SCRIB: variants seen among roughly 807,000 people sequenced by gnomAD.
SCRIB encodes the protein protein scribble homolog.
A neutral mutation model predicts 170.0 loss-of-function variants in SCRIB; 72 were observed. The observed-to-expected ratio is 0.42, with a 90% CI of 0.35 to 0.52. The LOEUF (loss-of-function observed/expected upper bound fraction) is 0.52, where lower values mean the gene tolerates loss of function less well. SCRIB is among the 20% of genes least tolerant of loss of function. The pLI is 0.02. For missense variants in SCRIB, 2,475 were observed against 2,338.5 expected (o/e 1.06, Z -1.20); for synonymous variants, 1,298 against 1,044.3 (o/e 1.24, Z -4.68).
Position 143,810,751 on chromosome 8 carries a change from C to T in SCRIB, c.1339G>A (p.Val447Ile), listed in dbSNP as rs144536391. The change falls in exon 12 of 37, where the codon GTC (valine) becomes ATC (isoleucine). Residue 447 changes from valine to isoleucine, a missense_variant. Transcript: ENST00000356994. ...ATGGGGGCCTCCAGGAACTGGATGA[C>T]GCTGACGCGGCTCGGCGGGGCATCG... is the stretch of plus-strand genomic sequence containing the variant. Reference protein sequence around the residue: ...WSDAPPSRVSVIQFLEAPIGD... With the variant: ...WSDAPPSRVSIIQFLEAPIGD... The T allele has an allele frequency of 7.9e-5, 127 of 1,608,840 alleles. No homozygotes were observed. The highest frequency in any genetic ancestry group is 6.7e-5 in the African/African-American group (5 of 74,902).
At position 143,803,520 on chromosome 8, in the gene SCRIB, G is replaced by A. The variant is rs782710491; in HGVS notation, c.3466C>T (p.Arg1156Trp). The A allele has an allele frequency of 5.6e-6, 9 of 1,601,262 alleles. No individual in the cohort carries two copies. Among genetic ancestry groups the A allele is most frequent in the South Asian group, 3.3e-5 (3 of 90,772 alleles). Residue 1156 changes from arginine (R) to tryptophan (W), a missense_variant, in exon 24 of 37, where the codon CGG becomes TGG. Physicochemically the swap from Arg to Trp is moderately radical, Grantham distance 101. Coordinates refer to ENST00000356994, the MANE Select transcript of SCRIB (RefSeq NM_182706.5). ...GRDGRLRVGL[R>W]LLEVNQQSLL... Reference sequence around the variant, plus strand: ...CTCTGCTGGTTCACCTCCAACAGCCGCAAACCCACACGCAGCCGACCGTCG... The same window carrying A: ...CTCTGCTGGTTCACCTCCAACAGCCACAAACCCACACGCAGCCGACCGTCG...
Position 143,804,678 on chromosome 8 carries a change from C to T in SCRIB, c.2899G>A (p.Ala967Thr), listed in dbSNP as rs782463802. Reference protein sequence around the residue: ...SPLPHSSPPTAAVATTSITTA... With the variant: ...SPLPHSSPPTTAVATTSITTA... Reference sequence around the variant, plus strand: ...GTTATGCTGGTGGTGGCAACAGCAGCGGTGGGGGGTGAGGAATGTGGCAGA... The same window carrying T: ...GTTATGCTGGTGGTGGCAACAGCAGTGGTGGGGGGTGAGGAATGTGGCAGA... The change falls in exon 21 of 37, where the codon GCT (alanine) becomes ACT (threonine). Residue 967 changes from alanine to threonine, a missense_variant. Around this residue, in one of 3 missense-constraint regions of SCRIB, gnomAD observed 1,966 missense variants for 1,742.9 expected, o/e 1.13. Transcript: ENST00000356994. 1.3e-5 allele frequency: 20 copies of T among 1,554,864 alleles called. No homozygotes were observed. Among genetic ancestry groups the T allele is most frequent in the African/African-American group, 9.5e-5 (7 of 73,652 alleles).
chr8:143,797,622 C>A (rs546098372), intron 24 of SCRIB, among the ~76,000 whole-genome samples: 1 of 152,226 alleles, frequency 6.6e-6, no homozygotes, highest in Non-Finnish European at 1.5e-5. Flanking sequence ...GTGGTAGGCA[C>A]ACAGACACGT....
rs1563787183 is a variant in SCRIB, at chr8:143,792,383, G to GC, written c.4350_4351insG (p.Pro1451AlafsTer14). 16 of 1,516,896 alleles carry GC rather than the reference G, an allele frequency of 1.1e-5. No individual in the cohort carries two copies. Among genetic ancestry groups the GC allele is most frequent in the Non-Finnish European group, 1.4e-5 (16 of 1,137,202 alleles). The allele number at this position is 1,516,896 out of a possible 1,614,324, so 94.0% of individuals were successfully genotyped here. The stretch of plus-strand genomic sequence containing the variant: ...CGCACCGGGGCGCCACCTCCCAGGG[G>GC]TGGGGGGGACGCCGGGCTCTGCCTG... On this transcript the variant is annotated frameshift_variant, in exon 32 of 37. Transcript: ENST00000356994. LOFTEE classifies it high-confidence loss of function.
chr8:143,802,590 T>C (rs996673435), intron 24 of SCRIB, among the ~76,000 whole-genome samples: 13 of 152,268 alleles, frequency 8.5e-5, no homozygotes, highest in African/African-American at 2.7e-4. Flanking sequence ...CCCACCCTCT[T>C]GTGGCCCTGC....
intron 24 of SCRIB, among the ~76,000 whole-genome samples, chr8:143,798,255 CA>C (rs1159386809): frequency 1.6e-4 from 21 of 135,362 alleles, no homozygotes; most frequent in South Asian, 2.4e-4. Flanking sequence ...GACTCCGTCT[CA>C]AAAAAAAAAC....
chr8:143,815,632 G>A lies in SCRIB; in HGVS notation c.-260C>T, dbSNP rs1210377644. The stretch of plus-strand genomic sequence containing the variant: ...AAGCGCGGGGAGCGGCGGCGGCGGC[G>A]GCTCCGCATCCCGCTTGGTCCTGCT... On this transcript the variant is annotated 5_prime_UTR_variant, in exon 1 of 37. Coordinates refer to ENST00000356994, the MANE Select transcript of SCRIB (RefSeq NM_182706.5). The A allele has an allele frequency of 2.0e-6, 2 of 982,558 alleles. No individual in the cohort carries two copies. Among genetic ancestry groups the A allele is most frequent in the East Asian group, 1.1e-4 (1 of 8,806 alleles). 60.9% of individuals were successfully genotyped at this position (982,558 alleles called of 1,614,324 possible).
chr8:143,793,832 G>A lies in SCRIB; in HGVS notation c.3909+68C>T, dbSNP rs1194451542. The A allele has an allele frequency of 6.6e-6, 10 of 1,511,956 alleles. No homozygotes were observed. The African/African-American group carries it at 1.1e-4, about 17-fold the overall frequency. The allele number at this position is 1,511,956 out of a possible 1,614,324, so 93.7% of individuals were successfully genotyped here. On this transcript the variant is annotated intron_variant, in intron 28 of 36. Transcript: ENST00000356994. ...CCCCCATCCCTGGAGGAGGGGCCCTGTGCACAGCGGCCATCTGCCCTGCCC... is the reference window on the plus strand; with the variant it reads ...CCCCCATCCCTGGAGGAGGGGCCCTATGCACAGCGGCCATCTGCCCTGCCC...
Position 143,806,998 on chromosome 8 carries a change from G to A in SCRIB, c.2194C>T (p.Leu732=), listed in dbSNP as rs782425751. 6.2e-6 allele frequency: 10 copies of A among 1,612,586 alleles called. No homozygotes were observed. The highest frequency in any genetic ancestry group is 8.5e-6 in the Non-Finnish European group (10 of 1,179,316). The part of the protein sequence containing the change: ...IEEEELTLTI[L]RQTGGLGISI... ...ATGCCCAGGCCCCCAGTCTGCCGCA[G>A]GATAGTGAGGGTCAGCTGGAAACAG... is the stretch of plus-strand genomic sequence containing the variant. The change falls in exon 17 of 37, where the codon CTG becomes TTG. Residue 732 remains leucine (L), a synonymous_variant. Transcript: ENST00000356994.
intron 27 of SCRIB, 86 bp downstream of exon 27, chr8:143,794,952 C>A: frequency 9.5e-6 from 13 of 1,375,544 alleles, no homozygotes; most frequent in Non-Finnish European, 1.3e-5. Flanking sequence ...AGGTTCCCTC[C>A]CGGATGGCCC....
chr8:143,797,007 C>T (rs954750038), intron 24 of SCRIB, among the ~76,000 whole-genome samples: 1 of 152,206 alleles, frequency 6.6e-6, no homozygotes, highest in East Asian at 1.9e-4. Flanking sequence ...CGAGATGACA[C>T]CCCAAGAACG....
chr8:143,793,567 G>T lies in SCRIB; in HGVS notation c.3909+333C>A, dbSNP rs555660154. The T allele has an allele frequency of 3.9e-5, 14 of 358,784 alleles. No individual in the cohort carries two copies. The East Asian group carries it at 5.8e-4, about 15-fold the overall frequency. 22.2% of individuals were successfully genotyped at this position (358,784 alleles called of 1,614,324 possible). ...GTGTTGGGAGGTGCCAACAGTGGGG[G>T]GGCAAGGACCCCCAGACAAAAGGCA... On this transcript the variant is annotated intron_variant, in intron 28 of 36. Coordinates refer to ENST00000356994, the MANE Select transcript of SCRIB (RefSeq NM_182706.5).
rs759210043 is a variant in SCRIB, at chr8:143,813,027, C to T, written c.642+3G>A. On this transcript the variant is annotated splice_donor_region_variant and intron_variant, in intron 7 of 36. Coordinates refer to ENST00000356994, the MANE Select transcript of SCRIB (RefSeq NM_182706.5). ...GCAGGGGGCCAGCCCCACCCTGACT[C>T]ACCGGGGGCAGTGCTGACAGCTGGT... 10 of 1,601,778 alleles carry T rather than the reference C, an allele frequency of 6.2e-6. No homozygotes were observed. The highest frequency in any genetic ancestry group is 8.5e-6 in the Non-Finnish European group (10 of 1,175,216).
chr8:143,807,448 G>C, intron 16 of SCRIB, 104 bp downstream of exon 16: 1 of 930,270 alleles, frequency 1.1e-6, no homozygotes, highest in Non-Finnish European at 1.8e-6. Context: ...TCTTTTGAGA[G>C]GGATCTGCGC....
chr8:143,802,600 C>A (rs1388518284), intron 24 of SCRIB, among the ~76,000 whole-genome samples: 1 of 152,254 alleles, frequency 6.6e-6, no homozygotes, highest in Non-Finnish European at 1.5e-5. Context: ...TGTGGCCCTG[C>A]AGGCCACTCC....
Position 143,811,139 on chromosome 8 carries a change from C to G in SCRIB, c.1106+7G>C. On this transcript the variant is annotated splice_region_variant and intron_variant, in intron 10 of 36. Coordinates refer to ENST00000356994, the MANE Select transcript of SCRIB (RefSeq NM_182706.5). ...GGTTAGGCCCGCAGGGCAAGGCTGG[C>G]ACTCACCGGTTCCCCGCCACGTCCA... 1 of 1,597,298 alleles carries G rather than the reference C, an allele frequency of 6.3e-7. No individual in the cohort carries two copies. Among genetic ancestry groups the G allele is most frequent in the Non-Finnish European group, 8.5e-7 (1 of 1,172,580 alleles).
chr8:143,813,161 T>G (rs996834334), intron 6 of SCRIB, 57 bp from the exon 7 acceptor site: 2 of 1,584,566 alleles, frequency 1.3e-6, no homozygotes, highest in East Asian at 4.5e-5. Context: ...TGCTGCGCCG[T>G]GCTCAAGAGA....
rs1356703290 is a variant in SCRIB, at chr8:143,795,298, C to T, written c.3750G>A (p.Gly1250=). 2 of 1,612,468 alleles carry T rather than the reference C, an allele frequency of 1.2e-6. No individual in the cohort carries two copies. The highest frequency in any genetic ancestry group is 1.7e-6 in the Non-Finnish European group (2 of 1,179,906). Residue 1250 remains glycine, a synonymous_variant, in exon 26 of 37, where the codon GGG becomes GGA. Coordinates refer to ENST00000356994, the MANE Select transcript of SCRIB (RefSeq NM_182706.5). ...KELPGQTLHW[G]PEATEAAGRG... is the part of the protein sequence containing the mutation. ...TCACTGCGGCTTCTGTGGCCTCGGGCCCCCAGTGCAGGGTCTGTCCAGGCA... is the reference window on the plus strand; with the variant it reads ...TCACTGCGGCTTCTGTGGCCTCGGGTCCCCAGTGCAGGGTCTGTCCAGGCA...
intron 18 of SCRIB, 88 bp from the exon 19 acceptor site, chr8:143,805,523 TGG>T: frequency 7.7e-7 from 1 of 1,302,014 alleles, no homozygotes; most frequent in Non-Finnish European, 1.0e-6. Context: ...CCCTCCAGGA[TGG>T]GGAGACTGAG....
Sources: allele counts gnomAD v4.1 joint callset (sites outside exome capture counted in the v4.1 genomes callset), GRCh38; gene constraint gnomAD v4.1.1; regional missense constraint gnomAD v4.1.1; transcripts MANE v1.5; gene names NCBI Gene and HGNC (gene_info 2026-07-23, HGNC 2026-07-21).